The following EFR3A variants were observed in gnomAD, a reference collection of about 807,000 sequenced individuals.
EFR3A encodes protein EFR3 homolog A.
EFR3A carries 76 observed loss-of-function variants against 104.4 expected under a neutral mutation model. The observed-to-expected ratio is 0.73, with a 90% CI of 0.60 to 0.88. The LOEUF is 0.88. Among genes scored for constraint, EFR3A ranks in the 40% least tolerant of loss-of-function variants. EFR3A has a pLI of 0.00. For missense variants in EFR3A, 985 were observed against 1,012.5 expected, an observed-to-expected ratio of 0.97 and a Z score of 0.37; for synonymous variants, 330 against 330.0, an observed-to-expected ratio of 1.00 and a Z score of 0.00.
At chr8:131,993,116 T>C (rs114110348) in intron 18 of EFR3A, among the ~76,000 whole-genome samples, 2,145 of 152,270 alleles carry the variant, frequency 0.014, 47 homozygotes, top group African/African-American at 0.049. Flanking sequence ...GAACATCTTA[T>C]AATACAAGGG....
intron 18 of EFR3A, among the ~76,000 whole-genome samples, chr8:131,990,032 G>A (rs1210445572): frequency 6.6e-6 from 1 of 152,158 alleles, no homozygotes; most frequent in Non-Finnish European, 1.5e-5. Context: ...GGTACCAGTG[G>A]CTTCAGTCAA....
At chr8:131,976,192 C>G in intron 11 of EFR3A, 51 bp downstream of exon 11, 1 of 1,133,100 alleles carries the variant, frequency 8.8e-7, no homozygotes, top group Non-Finnish European at 1.3e-6. Context: ...ACATTTTATC[C>G]TAACGAAATC....
chr8:132,010,809 G>A lies in EFR3A; in HGVS notation c.2380G>A (p.Gly794Arg). ...TTATAGTCCTCCTCCCAGTCCATCA[G>A]GAACACTGACCATTACTTCTGGGCA... ...LTIRPPPSPS[G>R]TLTITSGHAQ... The change falls in exon 23 of 23, where the codon GGA (glycine) becomes AGA (arginine). Residue 794 changes from glycine (G) to arginine (R), a missense_variant. Physicochemically the swap from Gly to Arg is moderately radical, Grantham distance 125 (BLOSUM62 -2). Coordinates refer to ENST00000254624, the MANE Select transcript of EFR3A (RefSeq NM_015137.6). 6.2e-7 allele frequency: 1 copy of A among 1,612,270 alleles called. No individual in the cohort carries two copies. Among genetic ancestry groups the A allele is most frequent in the Non-Finnish European group, 8.5e-7 (1 of 1,178,748 alleles).
intron 1 of EFR3A, among the ~76,000 whole-genome samples, chr8:131,930,495 T>C (rs1398902737): frequency 6.6e-6 from 1 of 151,598 alleles, no homozygotes; most frequent in Non-Finnish European, 1.5e-5. Context: ...ATTTCAAAGG[T>C]CTGGTCATGT....
chr8:131,952,345 G>A (rs947265185), intron 5 of EFR3A, among the ~76,000 whole-genome samples: 1 of 152,090 alleles, frequency 6.6e-6, no homozygotes, highest in Non-Finnish European at 1.5e-5. Flanking sequence ...TTCGTTTTGG[G>A]GGGTCATGGC....
chr8:131,993,873 C>T (rs1298264897), intron 18 of EFR3A, among the ~76,000 whole-genome samples: 1 of 152,020 alleles, frequency 6.6e-6, no homozygotes, highest in African/African-American at 2.4e-5. Context: ...TAAGTGGGAG[C>T]TGAATGATGA....
chr8:131,940,724 A>T, intron 2 of EFR3A, 149 bp downstream of exon 2: 1 of 1,262,544 alleles, frequency 7.9e-7, no homozygotes, highest in South Asian at 2.1e-5. Flanking sequence ...TCTTTTTTTT[A>T]CTCTTAAATG....
chr8:131,975,137 A>G (rs572253889), intron 10 of EFR3A, among the ~76,000 whole-genome samples: 1 of 152,210 alleles, frequency 6.6e-6, no homozygotes, highest in Non-Finnish European at 1.5e-5. Context: ...TAGACTGCAT[A>G]AGAAAAATGA....
intron 4 of EFR3A, among the ~76,000 whole-genome samples, chr8:131,949,075 G>A (rs1245062982): frequency 6.6e-6 from 1 of 151,742 alleles, no homozygotes; most frequent in East Asian, 1.9e-4. Flanking sequence ...ATATAGTATA[G>A]CTATATACCT....
At chr8:132,008,835 A>G (rs1260521506) in intron 22 of EFR3A, among the ~76,000 whole-genome samples, 1 of 135,162 alleles carries the variant, frequency 7.4e-6, no homozygotes, top group Non-Finnish European at 1.6e-5. Context: ...GACAAGAGTA[A>G]AACTCCATCT....
At chr8:131,997,378 T>A (rs1821550404) in intron 19 of EFR3A, among the ~76,000 whole-genome samples, 1 of 152,010 alleles carries the variant, frequency 6.6e-6, no homozygotes, top group Admixed American at 6.6e-5. Context: ...CCCTTACAAT[T>A]CCTATTGATT....
chr8:131,960,385 G>A lies in EFR3A; in HGVS notation c.855+722G>A, dbSNP rs546616339. Reference sequence around the variant, plus strand: ...CCTCACAGGGCCAACTGCAGGACTTGAATATGTGCAGATTTTGGTATGGGG... The same window carrying A: ...CCTCACAGGGCCAACTGCAGGACTTAAATATGTGCAGATTTTGGTATGGGG... On this transcript the variant is annotated intron_variant, in intron 8 of 22. Coordinates refer to ENST00000254624, the MANE Select transcript of EFR3A (RefSeq NM_015137.6). Among the ~76,000 whole-genome samples, 4 of 152,186 alleles carry A rather than the reference G, an allele frequency of 2.6e-5. No homozygotes were observed. The South Asian group carries it at 6.2e-4, about 24-fold the overall frequency.
chr8:131,938,417 C>A, intron 1 of EFR3A: 1 of 388,766 alleles, frequency 2.6e-6, no homozygotes, highest in Non-Finnish European at 4.5e-6. Context: ...ATTATTATTG[C>A]CAGTTATTTC....
intron 6 of EFR3A, among the ~76,000 whole-genome samples, chr8:131,954,292 A>G (rs1818865792): frequency 6.6e-6 from 1 of 152,106 alleles, no homozygotes; most frequent in Non-Finnish European, 1.5e-5. Flanking sequence ...AGAAACAGAA[A>G]TTATAGCTCT....
At chr8:132,009,556 T>A (rs759668202) in intron 22 of EFR3A, among the ~76,000 whole-genome samples, 3 of 151,962 alleles carry the variant, frequency 2.0e-5, no homozygotes, top group Non-Finnish European at 4.4e-5. Flanking sequence ...AAAATTCAAG[T>A]ATAGAAGGTA....
At chr8:131,941,741 C>G (rs1328563972) in intron 2 of EFR3A, among the ~76,000 whole-genome samples, 1 of 152,076 alleles carries the variant, frequency 6.6e-6, no homozygotes, top group Non-Finnish European at 1.5e-5. Flanking sequence ...GAAGCATTCA[C>G]AGAGGAAATG....
chr8:131,932,687 G>A (rs936662959), intron 1 of EFR3A, among the ~76,000 whole-genome samples: 10 of 152,040 alleles, frequency 6.6e-5, no homozygotes, highest in Admixed American at 6.6e-4. Flanking sequence ...TGATTGATTG[G>A]TTGAAATACA....
Position 131,992,631 on chromosome 8 carries a change from A to G in EFR3A, c.2066-3775A>G, listed in dbSNP as rs573532687. On this transcript the variant is annotated intron_variant, in intron 18 of 22. Coordinates refer to ENST00000254624, the MANE Select transcript of EFR3A (RefSeq NM_015137.6). ...AGTAGAAATAATTGGAGTAATATTT[A>G]ACACTTTAAGGAAGCGATGTGATGT... Among the ~76,000 whole-genome samples, 3 of 152,322 alleles carry G rather than the reference A, an allele frequency of 2.0e-5. No homozygotes were observed. The South Asian group carries it at 6.2e-4, about 32-fold the overall frequency.
chr8:131,950,126 A>T, intron 5 of EFR3A, 36 bp downstream of exon 5: 1 of 1,539,934 alleles, frequency 6.5e-7, no homozygotes, highest in Non-Finnish European at 8.8e-7. Context: ...TATAGTAAGT[A>T]ATTTAGAGAT....
Sources: gnomAD v4.1 joint callset for allele counts (sites outside exome capture counted in the v4.1 genomes callset) on GRCh38, gnomAD v4.1.1 for gene constraint, MANE v1.5 for transcripts, NCBI Gene and HGNC (gene_info 2026-07-23, HGNC 2026-07-21) for gene names.